The following PCDHA12 variants were observed in gnomAD, a reference collection of about 807,000 sequenced individuals.
PCDHA12 encodes protocadherin alpha 12, also known as protocadherin alpha-12.
PCDHA12 carries 44 observed loss-of-function variants against 60.0 expected under a neutral mutation model. The observed-to-expected ratio is 0.73, with a 90% CI of 0.58 to 0.94. The LOEUF is 0.94. Among genes scored for constraint, PCDHA12 ranks in the 40% least tolerant of loss-of-function variants. The probability of loss-of-function intolerance (pLI) is 0.00; values close to 1 mark genes in which losing one functional copy is unlikely to be tolerated. For missense variants in PCDHA12, 1,276 were observed against 1,239.7 expected, an observed-to-expected ratio of 1.03 and a Z score of -0.44; for synonymous variants, 569 against 553.0, an observed-to-expected ratio of 1.03 and a Z score of -0.40.
intron 2 of PCDHA12, chr5:140,982,197 A>G: frequency 1.5e-5 from 6 of 389,618 alleles, no homozygotes; most frequent in Non-Finnish European, 2.1e-5. Flanking sequence ...TTCCTGTTAG[A>G]TTTAGTGAGC....
chr5:140,969,783 A>G (rs1293806015), intron 1 of PCDHA12, among the ~76,000 whole-genome samples: 1 of 152,228 alleles, frequency 6.6e-6, no homozygotes, highest in Non-Finnish European at 1.5e-5. Context: ...GGGCTATCAT[A>G]GTCACCACTA....
chr5:140,951,662 G>A (rs1246504133), intron 1 of PCDHA12, among the ~76,000 whole-genome samples: 1 of 152,150 alleles, frequency 6.6e-6, no homozygotes, highest in African/African-American at 2.4e-5. Context: ...ACCAGGGCCT[G>A]CCTACAAAAT....
At chr5:140,998,380 A>G (rs921989792) in intron 3 of PCDHA12, among the ~76,000 whole-genome samples, 2 of 152,188 alleles carry the variant, frequency 1.3e-5, no homozygotes, top group African/African-American at 4.8e-5. Context: ...GTCTCTAGAA[A>G]GTTTAATGCC....
rs59860837 is a variant in PCDHA12 at position 141,005,701 on chromosome 5, C to CAAAAA, written c.2516-3900_2516-3896dup. 5.2e-3 allele frequency among the ~76,000 whole-genome samples: 40 copies of CAAAAA among 7,764 alleles called. 2 individuals are homozygous for CAAAAA. Among genetic ancestry groups the CAAAAA allele is most frequent in the East Asian group, 0.013 (4 of 312 alleles). The allele number at this position is 7,764 out of a possible 152,430, so 5.1% of individuals were successfully genotyped here. On this transcript the variant is annotated intron_variant, in intron 3 of 3. Coordinates refer to ENST00000398631, the MANE Select transcript of PCDHA12 (RefSeq NM_018903.4). ...TGGGCGACAGAGCGAAACTCCGTCT[C>CAAAAA]AAAAAAAAAAAAAAAAAAAAAAAAA...
chr5:140,877,480 G>A lies in PCDHA12; in HGVS notation c.2008G>A (p.Val670Met), dbSNP rs782077464. 3 of 1,613,888 alleles carry A rather than the reference G, an allele frequency of 1.9e-6. No homozygotes were observed. Among genetic ancestry groups the A allele is most frequent in the Non-Finnish European group, 8.5e-7 (1 of 1,179,872 alleles). Reference sequence around the variant, plus strand: ...CACGGCCACGGTGCTGGTGTCGCTGGTGGAGAACGGCCAGGCCCCAAAGAC... The same window carrying A: ...CACGGCCACGGTGCTGGTGTCGCTGATGGAGAACGGCCAGGCCCCAAAGAC... ...TSTATVLVSL[V>M]ENGQAPKTSS... is the part of the protein sequence containing the mutation. The change falls in exon 1 of 4, where the codon GTG becomes ATG. Residue 670 changes from valine to methionine, a missense_variant. By Grantham distance (21) the Val-to-Met change is conservative. Transcript: ENST00000398631.
intron 1 of PCDHA12, chr5:140,930,291 C>G (rs529065220): frequency 2.0e-5 from 3 of 152,094 alleles, no homozygotes; most frequent in Non-Finnish European, 4.4e-5. Flanking sequence ...ATACACTTAA[C>G]AAATAAGTAA....
chr5:140,928,540 G>T lies in PCDHA12; in HGVS notation c.2368-50409G>T, dbSNP rs1554205973. 4 of 1,614,094 alleles carry T rather than the reference G, an allele frequency of 2.5e-6. No homozygotes were observed. In the Admixed American group the frequency reaches 5.0e-5, roughly 20 times the overall value. On this transcript the variant is annotated intron_variant, in intron 1 of 3. Coordinates refer to ENST00000398631, the MANE Select transcript of PCDHA12 (RefSeq NM_018903.4). The stretch of plus-strand genomic sequence containing the variant: ...AAACTTGTTTGTGGTAGATAGGAAT[G>T]ACAATTATCCGGTTATCTTGTTTCC...
intron 1 of PCDHA12, among the ~76,000 whole-genome samples, chr5:140,902,203 C>CTTTTT (rs148688132): frequency 5.6e-5 from 7 of 124,458 alleles, no homozygotes; most frequent in South Asian, 2.5e-4. Context: ...CTCTCTCTTT[C>CTTTTT]TTTTTTTTTT....
chr5:140,969,428 CAA>C lies in PCDHA12; in HGVS notation c.2368-9520_2368-9519del, dbSNP rs2096329692. The stretch of plus-strand genomic sequence containing the variant: ...GGCTTTATTGAGTCATTAACAGTGA[CAA>C]GAGTTATCTGGTAAACTGAGTATAT... On this transcript the variant is annotated intron_variant, in intron 1 of 3. Coordinates refer to ENST00000398631, the MANE Select transcript of PCDHA12 (RefSeq NM_018903.4). 8.4e-6 allele frequency: 13 copies of C among 1,555,028 alleles called. No homozygotes were observed. The East Asian group carries it at 1.4e-4, about 17-fold the overall frequency.
intron 2 of PCDHA12, among the ~76,000 whole-genome samples, chr5:140,981,379 G>A (rs1387904235): frequency 1.3e-5 from 2 of 152,152 alleles, no homozygotes; most frequent in Admixed American, 1.3e-4. Flanking sequence ...TTCAAGACCA[G>A]CCTGGTCAAT....
At chr5:141,001,959 C>T (rs755695273) in intron 3 of PCDHA12, among the ~76,000 whole-genome samples, 8 of 152,098 alleles carry the variant, frequency 5.3e-5, no homozygotes, top group Admixed American at 3.9e-4. Context: ...GAGGGAGAGG[C>T]GGGGTGTCTC....
rs369670852 is a variant in PCDHA12, at chr5:140,928,571, C to G, written c.2368-50378C>G. 1.9e-5 allele frequency: 30 copies of G among 1,614,180 alleles called. 1 individual carries two copies. The African/African-American group carries it at 1.9e-4, about 10-fold the overall frequency. On this transcript the variant is annotated intron_variant, in intron 1 of 3. Transcript: ENST00000398631. ...TATCCGGTTATCTTGTTTCCCTTGC[C>G]CAGAAATGGTTCTGTCCCAGTGGAA...
chr5:141,009,539 C>G lies in PCDHA12; in HGVS notation c.2516-88C>G, dbSNP rs141154047. 10,440 of 1,522,742 alleles carry G rather than the reference C, an allele frequency of 6.9e-3. 51 individuals are homozygous for G. Among genetic ancestry groups the G allele is most frequent in the Admixed American group, 0.011 (516 of 46,760 alleles). 94.3% of individuals were successfully genotyped at this position (1,522,742 alleles called of 1,614,324 possible). A position where few individuals can be genotyped will look rare whatever the true frequency, so the allele number is the denominator to read the frequency against. ...ATTTTTCTGGGGAGGTTCAGCCTGC[C>G]TATGCAGTACTCCTGTACTCTACCA... On this transcript the variant is annotated intron_variant, in intron 3 of 3. Transcript: ENST00000398631.
At chr5:140,967,136 C>CTT (rs1401459371) in intron 1 of PCDHA12, 1 of 1,611,568 alleles carries the variant, frequency 6.2e-7, no homozygotes, top group African/African-American at 1.3e-5. Context: ...CTTGGAAGTG[C>CTT]TGGCGCACAA....
chr5:140,910,171 T>C (rs186096076), intron 1 of PCDHA12, among the ~76,000 whole-genome samples: 22 of 152,340 alleles, frequency 1.4e-4, no homozygotes, highest in Admixed American at 1.2e-3. Flanking sequence ...TGATCCTCTG[T>C]TTTTATAATT....
At chr5:140,993,523 C>CAG (rs111789518) in intron 3 of PCDHA12, among the ~76,000 whole-genome samples, 24 of 145,748 alleles carry the variant, frequency 1.6e-4, no homozygotes, top group African/African-American at 5.0e-4. Flanking sequence ...GAGAGAGAGA[C>CAG]AGAGAGAGAG....
At chr5:140,929,321 C>A (rs1554206981) in intron 1 of PCDHA12, 1 of 1,541,174 alleles carries the variant, frequency 6.5e-7, no homozygotes, top group Non-Finnish European at 8.8e-7. Flanking sequence ...AATGTCAATG[C>A]CATGGTAAGC....
chr5:140,885,335 A>T (rs183720535), intron 1 of PCDHA12, among the ~76,000 whole-genome samples: 2 of 152,246 alleles, frequency 1.3e-5, no homozygotes, highest in East Asian at 3.9e-4. Context: ...CCAAAGTTTG[A>T]AGGGATTTCC....
At chr5:140,929,057 C>T (rs17844370) in intron 1 of PCDHA12, 1 of 1,614,070 alleles carries the variant, frequency 6.2e-7, no homozygotes, top group Non-Finnish European at 8.5e-7. Flanking sequence ...TGTCGCTCTA[C>T]AGAGGATCTG....
Sources: gnomAD v4.1 joint callset for allele counts (sites outside exome capture counted in the v4.1 genomes callset) on GRCh38, gnomAD v4.1.1 for gene constraint, MANE v1.5 for transcripts, NCBI Gene and HGNC (gene_info 2026-07-23, HGNC 2026-07-21) for gene names.